SYNCRIP: variants seen among roughly 807,000 people sequenced by gnomAD.
SYNCRIP encodes synaptotagmin binding cytoplasmic RNA interacting protein.
Under a neutral mutation model 68.9 loss-of-function variants are expected in SYNCRIP, and 9 were observed. That is an observed-to-expected ratio of 0.13 (90% CI 0.08 to 0.23). SYNCRIP has a LOEUF of 0.23. Ranked by LOEUF, SYNCRIP falls within the 10% of genes least tolerant of loss-of-function variation. The probability of loss-of-function intolerance (pLI) is 1.00; values close to 1 mark genes in which losing one functional copy is unlikely to be tolerated. For missense variants in SYNCRIP, 414 were observed against 770.6 expected, an observed-to-expected ratio of 0.54 and a Z score of 5.48; for synonymous variants, 258 against 254.0, an observed-to-expected ratio of 1.02 and a Z score of -0.15.
chr6:85,623,776 T>C (rs2128286662), intron 7 of SYNCRIP, among the ~76,000 whole-genome samples: 1 of 152,288 alleles, frequency 6.6e-6, no homozygotes, highest in Middle Eastern at 3.4e-3. Context: ...TACTAACTTG[T>C]ACAACGTTTG....
chr6:85,624,133 T>C (rs1049781684), intron 6 of SYNCRIP, 21 bp from the exon 7 acceptor site: 2 of 1,605,112 alleles, frequency 1.2e-6, no homozygotes, highest in African/African-American at 2.7e-5. Context: ...AAAAAGTGCA[T>C]CATGTTTTTA....
intron 4 of SYNCRIP, 131 bp from the exon 5 acceptor site, chr6:85,637,487 A>G (rs1808592947): frequency 1.6e-6 from 1 of 608,878 alleles, no homozygotes; most frequent in South Asian, 2.2e-5. Context: ...CAGGTTTGTG[A>G]TGTCTGTTTT....
At chr6:85,616,195 A>G (rs1741816777) in intron 10 of SYNCRIP, among the ~76,000 whole-genome samples, 1 of 152,240 alleles carries the variant, frequency 6.6e-6, no homozygotes, top group South Asian at 2.1e-4. Context: ...TGTTCCCTAC[A>G]GTACAATTTT....
chr6:85,616,685 C>T (rs559699564), intron 10 of SYNCRIP, among the ~76,000 whole-genome samples: 1 of 152,190 alleles, frequency 6.6e-6, no homozygotes, highest in African/African-American at 2.4e-5. Flanking sequence ...CCTGTTCCAA[C>T]TGACTAACGT....
upstream of SYNCRIP, chr6:85,643,003 T>G: frequency 9.8e-6 from 1 of 102,472 alleles, no homozygotes. Flanking sequence ...GACCCCCCCT[T>G]CCCTTCCCTT....
downstream of SYNCRIP, chr6:85,609,175 TGTAA>T (rs1318257774): frequency 2.0e-5 from 3 of 151,938 alleles, no homozygotes; most frequent in Non-Finnish European, 4.4e-5. Context: ...TGGGTATTCC[TGTAA>T]GTTTGACGAA....
chr6:85,610,556 T>G (rs1412892116), downstream of SYNCRIP: 1 of 152,044 alleles, frequency 6.6e-6, no homozygotes, highest in African/African-American at 2.4e-5. Flanking sequence ...GTGTTCCTCT[T>G]TCAACTTTGA....
At chr6:85,623,708 C>T (rs890722672) in intron 7 of SYNCRIP, among the ~76,000 whole-genome samples, 1 of 151,962 alleles carries the variant, frequency 6.6e-6, no homozygotes, top group African/African-American at 2.4e-5. Context: ...TACGATCTTC[C>T]AAAACATAGG....
At chr6:85,610,792 T>TACC (rs756030897), downstream of SYNCRIP, 28 of 152,030 alleles carry the variant, frequency 1.8e-4, no homozygotes, top group Admixed American at 2.0e-4. Context: ...ACATTTAGTT[T>TACC]ACCCACTTTC....
chr6:85,637,218 AGG>A (rs1387220033), intron 5 of SYNCRIP, 23 bp downstream of exon 5: 1 of 1,609,348 alleles, frequency 6.2e-7, no homozygotes, highest in South Asian at 1.1e-5. Context: ...TTACTACAAA[AGG>A]TACAAGTTTT....
intron 10 of SYNCRIP, 55 bp downstream of exon 10, chr6:85,618,763 T>C (rs941256718): frequency 2.8e-6 from 4 of 1,421,310 alleles, no homozygotes; most frequent in Admixed American, 4.3e-5. Flanking sequence ...TATTTTCCAA[T>C]TAGTGTATAA....
At chr6:85,621,994 C>G (rs183908853) in intron 8 of SYNCRIP, among the ~76,000 whole-genome samples, 111 of 148,840 alleles carry the variant, frequency 7.5e-4, no homozygotes, top group African/African-American at 2.8e-3. Flanking sequence ...TTTCACTTTG[C>G]AGGCACATGG....
chr6:85,637,173 G>A (rs766687315), intron 5 of SYNCRIP, 30 bp from the exon 6 acceptor site: 13 of 1,606,604 alleles, frequency 8.1e-6, no homozygotes, highest in Non-Finnish European at 1.1e-5. Flanking sequence ...TAAAAACCAT[G>A]GAGAATTGCT....
chr6:85,632,421 C>T (rs1807904126), intron 6 of SYNCRIP, among the ~76,000 whole-genome samples: 2 of 152,136 alleles, frequency 1.3e-5, no homozygotes, highest in South Asian at 4.1e-4. Flanking sequence ...CAAAATGTAA[C>T]ACAGTAGAGA....
chr6:85,625,427 C>G (rs1473417378), intron 6 of SYNCRIP, among the ~76,000 whole-genome samples: 2 of 151,752 alleles, frequency 1.3e-5, no homozygotes, highest in Non-Finnish European at 2.9e-5. Flanking sequence ...CTCTGTCCCC[C>G]AGGCAGGAGT....
intron 8 of SYNCRIP, among the ~76,000 whole-genome samples, chr6:85,621,967 C>T (rs1327573144): frequency 1.3e-5 from 2 of 152,134 alleles, no homozygotes; most frequent in South Asian, 2.1e-4. Flanking sequence ...GCTAAGTATC[C>T]ACGCATCAAT....
intron 4 of SYNCRIP, among the ~76,000 whole-genome samples, 178 bp from the exon 5 acceptor site, chr6:85,637,534 A>G (rs753303970): frequency 1.3e-5 from 2 of 152,194 alleles, no homozygotes; most frequent in African/African-American, 4.8e-5. Context: ...TTATACTCCT[A>G]AATTATTATC....
chr6:85,622,294 G>A (rs991658830), intron 8 of SYNCRIP, among the ~76,000 whole-genome samples, 188 bp downstream of exon 8: 4 of 152,064 alleles, frequency 2.6e-5, no homozygotes, highest in South Asian at 2.1e-4. Flanking sequence ...ACTTGAACCC[G>A]GGAGGCGGAG....
chr6:85,618,856 T>C lies in SYNCRIP; in HGVS notation c.1242A>G (p.Lys414=), dbSNP rs1282625539. The C allele has an allele frequency of 1.2e-6, 2 of 1,612,812 alleles. No homozygotes were observed. Among genetic ancestry groups the C allele is most frequent in the Admixed American group, 3.3e-5 (2 of 59,976 alleles). The part of the protein sequence containing the change: ...VFAKPPDQKR[K]ERKAQRQAAK... The stretch of plus-strand genomic sequence containing the variant: ...CTGCTTGCCTCTGAGCTTTTCTTTC[T>C]TTCCTTTTCTGATCTGGTGGCTTGG... The change falls in exon 10 of 11, where the codon AAA becomes AAG. Residue 414 remains lysine (K), a synonymous_variant. Coordinates refer to ENST00000369622, the MANE Select transcript of SYNCRIP (RefSeq NM_006372.5).
Sources: gnomAD v4.1 joint callset for allele counts (sites outside exome capture counted in the v4.1 genomes callset) on GRCh38, gnomAD v4.1.1 for gene constraint, MANE v1.5 for transcripts, NCBI Gene and HGNC (gene_info 2026-07-23, HGNC 2026-07-21) for gene names.